The following SLA2 variants were observed in gnomAD, a reference collection of about 807,000 sequenced individuals.
SLA2 encodes src-like-adapter 2.
SLA2 carries 22 observed loss-of-function variants against 27.3 expected under a neutral mutation model. That is an observed-to-expected ratio of 0.81 (90% CI 0.58 to 1.15). The LOEUF (loss-of-function observed/expected upper bound fraction) is 1.15. Among genes scored for constraint, SLA2 ranks in the 50% most tolerant of loss-of-function variants. The pLI is 0.00. For missense variants in SLA2, 304 were observed against 322.2 expected, an observed-to-expected ratio of 0.94 and a Z score of 0.43; for synonymous variants, 131 against 137.8, an observed-to-expected ratio of 0.95 and a Z score of 0.34.
chr20:36,644,861 A>T (rs1190333041), intron 1 of SLA2, among the ~76,000 whole-genome samples: 1 of 135,498 alleles, frequency 7.4e-6, no homozygotes, highest in African/African-American at 2.8e-5. Flanking sequence ...GCTGCCCAGA[A>T]TATTGTGTTT....
chr20:36,634,447 C>G (rs2039423348), intron 3 of SLA2, 43 bp downstream of exon 3: 3 of 1,416,662 alleles, frequency 2.1e-6, no homozygotes, highest in Non-Finnish European at 2.9e-6. Context: ...CCATGCCTGG[C>G]TCTATTAGTG....
intron 5 of SLA2, among the ~76,000 whole-genome samples, chr20:36,619,220 G>GGA (rs1491395657): frequency 1.7e-3 from 123 of 71,310 alleles, no homozygotes; most frequent in Non-Finnish European, 2.4e-3. Flanking sequence ...GACTCTGGGG[G>GGA]AAAAAAAAAA....
intron 6 of SLA2, chr20:36,614,918 G>T: frequency 1.0e-6 from 1 of 985,428 alleles, no homozygotes; most frequent in Non-Finnish European, 1.2e-6. Context: ...CACAGCAGCA[G>T]CTCTGTGCCC....
chr20:36,614,023 C>T (rs775826064), intron 7 of SLA2, 37 bp from the exon 8 acceptor site: 6 of 1,610,458 alleles, frequency 3.7e-6, no homozygotes, highest in South Asian at 3.3e-5. Context: ...CAAGAAGCCT[C>T]TTCCTCCTCC....
At chr20:36,628,294 T>C (rs2039359456) in intron 5 of SLA2, among the ~76,000 whole-genome samples, 1 of 152,198 alleles carries the variant, frequency 6.6e-6, no homozygotes, top group South Asian at 2.1e-4. Flanking sequence ...GTTTACACTG[T>C]GACGCAGGAC....
At chr20:36,637,864 G>A (rs924601454) in intron 2 of SLA2, among the ~76,000 whole-genome samples, 5 of 148,174 alleles carry the variant, frequency 3.4e-5, no homozygotes, top group African/African-American at 1.2e-4. Flanking sequence ...CTTGACCTCA[G>A]GTCTGCCTGC....
rs756600521 is a variant in SLA2 at position 36,632,633 on chromosome 20, C to T, written c.344G>A (p.Gly115Glu). 6.2e-7 allele frequency: 1 copy of T among 1,614,210 alleles called. No individual in the cohort carries two copies. Among genetic ancestry groups the T allele is most frequent in the African/African-American group, 1.3e-5 (1 of 75,064 alleles). Residue 115 changes from glycine to glutamate, a missense_variant, in exon 5 of 8, where the codon GGA becomes GAA. By Grantham distance (98) the Gly-to-Glu change is moderately conservative (BLOSUM62 -2). Coordinates refer to ENST00000262866, the MANE Select transcript of SLA2 (RefSeq NM_032214.4). ...GCTCTCCCGGATGAGGAAGGCCCCT[C>T]CAGGGTTCCCAGGTAACAACAGCAG... ...EELLLLPGNP[G>E]GAFLIRESQT...
At chr20:36,614,949 TGCCTGCTGCCAGGG>T in intron 6 of SLA2, 1 of 985,370 alleles carries the variant, frequency 1.0e-6, no homozygotes, top group Non-Finnish European at 1.2e-6. Flanking sequence ...GAGAGAACTC[TGCCTGCTGCCAGGG>T]GCTCTGAGTC....
chr20:36,641,140 C>T (rs755679293), intron 2 of SLA2, 105 bp downstream of exon 2: 122 of 925,384 alleles, frequency 1.3e-4, no homozygotes, highest in Middle Eastern at 3.2e-4. Context: ...AGGCCCTCAG[C>T]GGTGCTTACA....
chr20:36,626,399 A>AC (rs1555792412), intron 5 of SLA2, among the ~76,000 whole-genome samples: 2,186 of 147,334 alleles, frequency 0.015, 38 homozygotes, highest in African/African-American at 0.035. Flanking sequence ...TAAAAAAAAA[A>AC]AAACACACAC....
At chr20:36,624,387 A>C (rs978181394) in intron 5 of SLA2, among the ~76,000 whole-genome samples, 1 of 151,896 alleles carries the variant, frequency 6.6e-6, no homozygotes, top group Non-Finnish European at 1.5e-5. Flanking sequence ...CTGTACTCAC[A>C]CTCACACCCT....
intron 5 of SLA2, among the ~76,000 whole-genome samples, chr20:36,630,403 A>G (rs1024092652): frequency 7.9e-5 from 12 of 152,174 alleles, no homozygotes; most frequent in Non-Finnish European, 1.5e-4. Flanking sequence ...CCGACAGCCT[A>G]TCACAGTTGG....
rs2039164023 is a variant in SLA2, at chr20:36,613,276, A to G, written c.*590T>C. On this transcript the variant is annotated 3_prime_UTR_variant, in exon 8 of 8. Transcript: ENST00000262866. ...CTCAATGGGGGACATTTGAGGACCTAGACTGTCCGAAGTCTTTCTCTTTGC... is the reference window on the plus strand; with the variant it reads ...CTCAATGGGGGACATTTGAGGACCTGGACTGTCCGAAGTCTTTCTCTTTGC... 1 of 152,428 alleles carries G rather than the reference A, an allele frequency of 6.6e-6. No homozygotes were observed. The highest frequency in any genetic ancestry group is 2.4e-5 in the African/African-American group (1 of 41,458). 9.4% of individuals were successfully genotyped at this position (152,428 alleles called of 1,614,324 possible).
In SLA2 at chr20:36,613,274, C is replaced by G. The variant is rs907473687; in HGVS notation, c.*592G>C. The G allele has an allele frequency of 1.3e-5, 2 of 152,368 alleles. No individual in the cohort carries two copies. The highest frequency in any genetic ancestry group is 2.9e-5 in the Non-Finnish European group (2 of 68,208). The allele number at this position is 152,368 out of a possible 1,614,324, so 9.4% of individuals were successfully genotyped here. A position where few individuals can be genotyped will look rare whatever the true frequency, so the allele number is the denominator to read the frequency against. Reference sequence around the variant, plus strand: ...TCCTCAATGGGGGACATTTGAGGACCTAGACTGTCCGAAGTCTTTCTCTTT... The same window carrying G: ...TCCTCAATGGGGGACATTTGAGGACGTAGACTGTCCGAAGTCTTTCTCTTT... On this transcript the variant is annotated 3_prime_UTR_variant, in exon 8 of 8. Transcript: ENST00000262866.
chr20:36,613,775 A>C lies in SLA2; in HGVS notation c.*91T>G. 1 of 398,758 alleles carries C rather than the reference A, an allele frequency of 2.5e-6. No homozygotes were observed. The highest frequency in any genetic ancestry group is 5.0e-6 in the Non-Finnish European group (1 of 200,444). 24.7% of individuals were successfully genotyped at this position (398,758 alleles called of 1,614,324 possible). On this transcript the variant is annotated 3_prime_UTR_variant, in exon 8 of 8. Coordinates refer to ENST00000262866, the MANE Select transcript of SLA2 (RefSeq NM_032214.4). ...CTCTGTGTCCCACCCTCCCTCCCTG[A>C]GTGCACAGCCTTGCCTCTGGGGTGC...
At chr20:36,621,465 C>T (rs1001252718) in intron 5 of SLA2, 29 of 417,420 alleles carry the variant, frequency 6.9e-5, no homozygotes, top group Non-Finnish European at 7.4e-5. Context: ...TTTTTTGAGA[C>T]GGAGTCTTGC....
chr20:36,623,724 G>C (rs1007376919), intron 5 of SLA2, among the ~76,000 whole-genome samples: 4 of 151,910 alleles, frequency 2.6e-5, no homozygotes, highest in African/African-American at 9.7e-5. Flanking sequence ...AAACTCCTGG[G>C]CTTGAGTGAT....
At chr20:36,634,177 G>A (rs1317867897) in intron 3 of SLA2, among the ~76,000 whole-genome samples, 1 of 151,870 alleles carries the variant, frequency 6.6e-6, no homozygotes, top group African/African-American at 2.4e-5. Context: ...TAGTAGAGAC[G>A]GTTTCACCGT....
intron 5 of SLA2, chr20:36,620,835 T>TCCCAAAGTGTAATCCCAAA: frequency 5.2e-6 from 1 of 192,890 alleles, no homozygotes; most frequent in Non-Finnish European, 1.1e-5. Flanking sequence ...CCCAAAGTGC[T>TCCCAAAGTGTAATCCCAAA]GGGATTACAG....
Sources: gnomAD v4.1 joint callset for allele counts (sites outside exome capture counted in the v4.1 genomes callset) on GRCh38, gnomAD v4.1.1 for gene constraint, MANE v1.5 for transcripts, NCBI Gene and HGNC (gene_info 2026-07-23, HGNC 2026-07-21) for gene names.